Variants in KLHDC2 observed in about 807,000 individuals in gnomAD.
The protein encoded by KLHDC2 is kelch domain-containing protein 2.
A neutral mutation model predicts 62.3 loss-of-function variants in KLHDC2; 38 were observed. That is an observed-to-expected ratio of 0.61 (90% confidence interval 0.47 to 0.80). The LOEUF (loss-of-function observed/expected upper bound fraction) is 0.80. KLHDC2 is among the 30% of genes least tolerant of loss of function. KLHDC2 has a pLI of 0.00. For missense variants in KLHDC2, 430 were observed against 495.3 expected (o/e 0.87, Z 1.25); for synonymous variants, 159 against 161.0 (o/e 0.99, Z 0.09).
At chr14:49,778,139 G>A in intron 4 of KLHDC2, 39 bp from the exon 5 acceptor site, 1 of 1,325,254 alleles carries the variant, frequency 7.5e-7, no homozygotes, top group Non-Finnish European at 1.1e-6. Flanking sequence ...TATCCTATGG[G>A]TATTTGAATT....
chr14:49,779,789 A>G lies in KLHDC2; in HGVS notation c.756A>G (p.Thr252=). ...MNDLHYLNLD[T]WEWNELIPQG... ...ATCTTCACTATCTTAATCTGGATACATGGGAGTGGAATGAATTGTAGGTAT... is the reference window on the plus strand; with the variant it reads ...ATCTTCACTATCTTAATCTGGATACGTGGGAGTGGAATGAATTGTAGGTAT... Residue 252 remains threonine, a synonymous_variant, in exon 8 of 13, where the codon ACA becomes ACG. Transcript: ENST00000298307. 6.2e-7 allele frequency: 1 copy of G among 1,608,808 alleles called. No individual in the cohort carries two copies. The highest frequency in any genetic ancestry group is 2.2e-5 in the East Asian group (1 of 44,848).
Position 49,782,881 on chromosome 14 carries a change from GAACTGC to G in KLHDC2, c.1150_1155del (p.Asn384_Cys385del). 6.2e-7 allele frequency: 1 copy of G among 1,613,804 alleles called. No individual in the cohort carries two copies. On this transcript the variant is annotated inframe_deletion, in exon 13 of 13. Coordinates refer to ENST00000298307, the MANE Select transcript of KLHDC2 (RefSeq NM_014315.3). Reference sequence around the variant, plus strand: ...TTAAAGAAATGTTAGCCAACTCATGGAACTGCCTTCCAAAACACTTACTTCACAGTG... The same window carrying G: ...TTAAAGAAATGTTAGCCAACTCATGGCTTCCAAAACACTTACTTCACAGTG...
chr14:49,772,384 T>C (rs988459691), intron 2 of KLHDC2, among the ~76,000 whole-genome samples: 2 of 152,234 alleles, frequency 1.3e-5, no homozygotes. Context: ...AAAATTTGCA[T>C]GCAAATCTTT....
At chr14:49,770,834 A>T (rs1889648106) in intron 1 of KLHDC2, among the ~76,000 whole-genome samples, 2 of 152,216 alleles carry the variant, frequency 1.3e-5, no homozygotes, top group South Asian at 4.1e-4. Flanking sequence ...CTGCATAAGG[A>T]TTTAATATTT....
chr14:49,778,143 T>C (rs981169687), intron 4 of KLHDC2, 35 bp from the exon 5 acceptor site: 1 of 1,396,270 alleles, frequency 7.2e-7, no homozygotes, highest in Admixed American at 1.8e-5. Context: ...CTATGGGTAT[T>C]TGAATTTTTA....
chr14:49,776,149 GAAGA>G (rs1290857886), intron 3 of KLHDC2, among the ~76,000 whole-genome samples: 5 of 152,182 alleles, frequency 3.3e-5, no homozygotes, highest in Non-Finnish European at 5.9e-5. Flanking sequence ...TATTTTGCTT[GAAGA>G]AAGAGTTCTA....
At chr14:49,777,459 G>A (rs1393669295) in intron 3 of KLHDC2, among the ~76,000 whole-genome samples, 1 of 152,130 alleles carries the variant, frequency 6.6e-6, no homozygotes, top group Non-Finnish European at 1.5e-5. Flanking sequence ...GCCAGGTATG[G>A]TGGTACATGG....
intron 3 of KLHDC2, 41 bp downstream of exon 3, chr14:49,774,719 C>T (rs748586037): frequency 8.4e-6 from 10 of 1,191,318 alleles, no homozygotes; most frequent in African/African-American, 6.0e-5. Flanking sequence ...CATTTTTATT[C>T]TTATTATCTT....
At chr14:49,780,154 C>A in intron 8 of KLHDC2, 59 bp from the exon 9 acceptor site, 1 of 1,122,096 alleles carries the variant, frequency 8.9e-7, no homozygotes, top group Non-Finnish European at 1.3e-6. Flanking sequence ...TAAAAGAAAA[C>A]TTAAAAATAC....
At chr14:49,774,488 A>T in intron 2 of KLHDC2, 73 bp from the exon 3 acceptor site, 1 of 631,626 alleles carries the variant, frequency 1.6e-6, no homozygotes, top group Non-Finnish European at 2.9e-6. Context: ...GGATATAAGT[A>T]GAAGAAGAAA....
Position 49,778,235 on chromosome 14 carries a change from T to G in KLHDC2, c.525T>G (p.Phe175Leu). The change falls in exon 5 of 13, where the codon TTT (phenylalanine) becomes TTG (leucine). Residue 175 changes from phenylalanine (F) to leucine (L), a missense_variant. By Grantham distance (22) the Phe-to-Leu change is conservative. Coordinates refer to ENST00000298307, the MANE Select transcript of KLHDC2 (RefSeq NM_014315.3). ...YLPEDKVLGT[F>L]EFDETSFWNS... ...CTGAAGATAAAGTATTGGGAACTTT[T>G]GAATTCGATGAAACATCTTTTTGGG... 2 of 1,608,396 alleles carry G rather than the reference T, an allele frequency of 1.2e-6. No individual in the cohort carries two copies. The highest frequency in any genetic ancestry group is 1.7e-6 in the Non-Finnish European group (2 of 1,175,834).
intron 3 of KLHDC2, among the ~76,000 whole-genome samples, chr14:49,776,607 C>A (rs1889778243): frequency 6.6e-6 from 1 of 151,742 alleles, no homozygotes; most frequent in African/African-American, 2.4e-5. Context: ...TTGGGTAATA[C>A]CATTCTGATA....
At chr14:49,772,689 G>C (rs1325884464) in intron 2 of KLHDC2, among the ~76,000 whole-genome samples, 1 of 152,234 alleles carries the variant, frequency 6.6e-6, no homozygotes, top group Non-Finnish European at 1.5e-5. Flanking sequence ...GGATGCTGTG[G>C]CTCACGCCTG....
At chr14:49,778,553 G>C in intron 6 of KLHDC2, 59 bp downstream of exon 6, 1 of 690,410 alleles carries the variant, frequency 1.4e-6, no homozygotes, top group Non-Finnish European at 2.5e-6. Flanking sequence ...GGGAGGGGTG[G>C]GGTAGGGGAG....
rs1889861576 is a variant in KLHDC2 at position 49,780,236 on chromosome 14, T to C, written c.797T>C (p.Val266Ala). ...AGAATTCCACAAGGCATATGCCCAG[T>C]TGGTCGATCTTGGCACTCACTAACA... Reference protein sequence around the residue: ...NELIPQGICPVGRSWHSLTPV... With the variant: ...NELIPQGICPAGRSWHSLTPV... Residue 266 changes from valine (V) to alanine (A), a missense_variant, in exon 9 of 13, where the codon GTT (valine) becomes GCT (alanine). Transcript: ENST00000298307. 4 of 1,611,640 alleles carry C rather than the reference T, an allele frequency of 2.5e-6. No individual in the cohort carries two copies. Among genetic ancestry groups the C allele is most frequent in the Non-Finnish European group, 3.4e-6 (4 of 1,177,898 alleles).
intron 12 of KLHDC2, 110 bp from the exon 13 acceptor site, chr14:49,782,720 T>C: frequency 2.1e-6 from 3 of 1,414,658 alleles, no homozygotes; most frequent in Non-Finnish European, 2.9e-6. Context: ...AACCAGTTCC[T>C]ATGAAAATCT....
At position 49,771,656 on chromosome 14, in the gene KLHDC2, C is replaced by T. The variant is rs746120507; in HGVS notation, c.216C>T (p.Asn72=). 2 of 1,509,942 alleles carry T rather than the reference C, an allele frequency of 1.3e-6. No homozygotes were observed. The highest frequency in any genetic ancestry group is 1.4e-5 in the African/African-American group (1 of 72,938). 93.5% of individuals were successfully genotyped at this position (1,509,942 alleles called of 1,614,324 possible). The change falls in exon 2 of 13, where the codon AAC becomes AAT. Residue 72 remains asparagine (N), a synonymous_variant. Coordinates refer to ENST00000298307, the MANE Select transcript of KLHDC2 (RefSeq NM_014315.3). ...YLPREELWIY[N]METGRWKKIN... ...CTAGAGAAGAACTATGGATCTACAA[C>T]ATGGAGACTGGAAGATGGTAAATGT...
chr14:49,780,952 T>C (rs1414977685), intron 10 of KLHDC2, among the ~76,000 whole-genome samples, 177 bp downstream of exon 10: 2 of 152,258 alleles, frequency 1.3e-5, no homozygotes, highest in Admixed American at 6.5e-5. Flanking sequence ...CTTTCCGTCA[T>C]CTGTGCATGA....
intron 10 of KLHDC2, among the ~76,000 whole-genome samples, chr14:49,781,349 A>G (rs1889896895): frequency 6.9e-6 from 1 of 145,744 alleles, no homozygotes; most frequent in African/African-American, 2.5e-5. Context: ...AGCTTGGGCA[A>G]CAAGAGTGAA....
Sources: gnomAD v4.1 joint callset for allele counts (sites outside exome capture counted in the v4.1 genomes callset) on GRCh38, gnomAD v4.1.1 for gene constraint, MANE v1.5 for transcripts, NCBI Gene and HGNC (gene_info 2026-07-23, HGNC 2026-07-21) for gene names.